NETO1: variants seen among roughly 807,000 people sequenced by gnomAD.
NETO1 encodes the protein neuropilin and tolloid like 1.
In NETO1, 26 loss-of-function variants were observed where a neutral mutation model predicts 61.3. The ratio of observed to expected loss-of-function variants is 0.42; its 90% CI spans 0.31 to 0.59. The LOEUF (loss-of-function observed/expected upper bound fraction) is 0.59, where lower values mean the gene tolerates loss of function less well. NETO1 is among the 20% of genes least tolerant of loss of function. NETO1 has a pLI of 0.12. For synonymous variants in NETO1, 225 were observed against 225.8 expected, an observed-to-expected ratio of 1.00 and a Z score of 0.03; for missense variants, 531 against 662.8, an observed-to-expected ratio of 0.80 and a Z score of 2.18.
chr18:72,810,807 G>A (rs144213483), intron 4 of NETO1, among the ~76,000 whole-genome samples: 189 of 152,212 alleles, frequency 1.2e-3, no homozygotes, highest in African/African-American at 4.2e-3. Context: ...CCAGAGTAAT[G>A]GTCTGCAGCA....
In NETO1 at chr18:72,858,944, G is replaced by A; in HGVS notation, c.351C>T (p.Phe117=). 6.2e-7 allele frequency: 1 copy of A among 1,613,864 alleles called. No individual in the cohort carries two copies. The highest frequency in any genetic ancestry group is 8.5e-7 in the Non-Finnish European group (1 of 1,179,874). Residue 117 remains phenylalanine, a synonymous_variant, in exon 4 of 11, where the codon TTC becomes TTT. Transcript: ENST00000327305. The part of the protein sequence containing the change: ...PFGFSPIIGR[F]CGQQNPPVIK... ...TGACAGGTGGATTTTGTTGTCCACA[G>A]AAACGTCCAATTATTGGAGAAAAGC...
At chr18:72,786,998 A>T (rs2071943355) in intron 6 of NETO1, among the ~76,000 whole-genome samples, 1 of 150,624 alleles carries the variant, frequency 6.6e-6, no homozygotes, top group Non-Finnish European at 1.5e-5. Flanking sequence ...TAATGTGGAA[A>T]CCTTAAAAAG....
rs557130682 is a variant in NETO1 at position 72,758,370 on chromosome 18, G to A, written c.869-2223C>T. On this transcript the variant is annotated intron_variant, in intron 7 of 10. Coordinates refer to ENST00000327305, the MANE Select transcript of NETO1 (RefSeq NM_138966.5). ...GGAGTTAGCCTCCCTTTTGTTTGTG[G>A]TGCTTTTTTTTTCTTTGTGTGTGTG... 4.2e-5 allele frequency among the ~76,000 whole-genome samples: 4 copies of A among 95,500 alleles called. No individual in the cohort carries two copies. The East Asian group carries it at 1.5e-3, about 35-fold the overall frequency. 62.7% of individuals were successfully genotyped at this position (95,500 alleles called of 152,430 possible).
Position 72,746,333 on chromosome 18 carries a change from G to T in NETO1, c.*1846C>A, listed in dbSNP as rs745869977. On this transcript the variant is annotated 3_prime_UTR_variant, in exon 11 of 11. Transcript: ENST00000327305. ...TAATTTTAAATTAAAGGGCAAAAAA[G>T]GAACCATGGTAATAAATAAACCAGT... 4.6e-5 allele frequency among the ~76,000 whole-genome samples: 7 copies of T among 152,000 alleles called. No individual in the cohort carries two copies. Among genetic ancestry groups the T allele is most frequent in the Non-Finnish European group, 7.4e-5 (5 of 67,966 alleles).
rs924544366 is a variant in NETO1 at position 72,746,910 on chromosome 18, C to T, written c.*1269G>A. Among the ~76,000 whole-genome samples the T allele has an allele frequency of 6.6e-6, 1 of 151,888 alleles. No homozygotes were observed. The highest frequency in any genetic ancestry group is 2.4e-5 in the African/African-American group (1 of 41,390). On this transcript the variant is annotated 3_prime_UTR_variant, in exon 11 of 11. Coordinates refer to ENST00000327305, the MANE Select transcript of NETO1 (RefSeq NM_138966.5). The stretch of plus-strand genomic sequence containing the variant: ...CAGTAAAATATATTTTAGGATTTTA[C>T]TTTATGTTAAACACATCATAATCAC...
chr18:72,853,139 A>T (rs931913662), intron 4 of NETO1, among the ~76,000 whole-genome samples: 2 of 152,072 alleles, frequency 1.3e-5, no homozygotes, highest in African/African-American at 4.8e-5. Context: ...CTTGTCACAC[A>T]TTGGTAATTT....
intron 4 of NETO1, among the ~76,000 whole-genome samples, chr18:72,849,361 C>A (rs1402901980): frequency 6.6e-6 from 1 of 152,270 alleles, no homozygotes; most frequent in South Asian, 2.1e-4. Context: ...TCGTCATCAG[C>A]ACCTATAAAC....
In NETO1 at chr18:72,859,089, G is replaced by T. The variant is rs1389614138; in HGVS notation, c.221-15C>A. 1 of 1,580,742 alleles carries T rather than the reference G, an allele frequency of 6.3e-7. No individual in the cohort carries two copies. Among genetic ancestry groups the T allele is most frequent in the African/African-American group, 1.4e-5 (1 of 73,446 alleles). ...TCTTGGAGCGGCTGTAAAGAAGAAA[G>T]ATTGTGTCTAGGAGGTCATTTCTTA... is the stretch of plus-strand genomic sequence containing the variant. On this transcript the variant is annotated splice_polypyrimidine_tract_variant and intron_variant, in intron 3 of 10. Coordinates refer to ENST00000327305, the MANE Select transcript of NETO1 (RefSeq NM_138966.5).
intron 3 of NETO1, among the ~76,000 whole-genome samples, chr18:72,862,622 CTT>C (rs11453772): frequency 8.2e-5 from 10 of 122,414 alleles, no homozygotes; most frequent in Admixed American, 7.0e-4. Flanking sequence ...CTTTTTTTTT[CTT>C]TTTTTTTTTT....
chr18:72,746,203 TAC>T lies in NETO1; in HGVS notation c.*1974_*1975del, dbSNP rs2070428499. Reference sequence around the variant, plus strand: ...ATAAAAAATCTTGACAGTTATATCATACTTTTGAGATTATCATTCAAAGGGAA... The same window carrying T: ...ATAAAAAATCTTGACAGTTATATCATTTTTGAGATTATCATTCAAAGGGAA... On this transcript the variant is annotated 3_prime_UTR_variant, in exon 11 of 11. Transcript: ENST00000327305. Among the ~76,000 whole-genome samples the T allele has an allele frequency of 3.3e-5, 5 of 152,148 alleles. No individual in the cohort carries two copies. The highest frequency in any genetic ancestry group is 1.2e-4 in the African/African-American group (5 of 41,448).
Position 72,745,908 on chromosome 18 carries a change from C to T in NETO1, c.*2271G>A, listed in dbSNP as rs2070421460. 6.6e-6 allele frequency: 1 copy of T among 152,144 alleles called. No homozygotes were observed. Among genetic ancestry groups the T allele is most frequent in the Non-Finnish European group, 1.5e-5 (1 of 68,034 alleles). The allele number at this position is 152,144 out of a possible 1,614,324, so 9.4% of individuals were successfully genotyped here. ...ATTTTAGAGTTATCACTGAGGAGGCCTGTTCTTCATTTAAAATACAGTTGT... is the reference window on the plus strand; with the variant it reads ...ATTTTAGAGTTATCACTGAGGAGGCTTGTTCTTCATTTAAAATACAGTTGT... On this transcript the variant is annotated 3_prime_UTR_variant, in exon 11 of 11. Transcript: ENST00000327305.
At position 72,793,281 on chromosome 18, in the gene NETO1, C is replaced by T. The variant is rs184769829; in HGVS notation, c.639+836G>A. Among the ~76,000 whole-genome samples the T allele has an allele frequency of 1.9e-3, 285 of 152,126 alleles. 2 individuals are homozygous for T. Among genetic ancestry groups the T allele is most frequent in the African/African-American group, 6.4e-3 (266 of 41,506 alleles). ...TGTAACTGAGGAATATAAACCAAAA[C>T]AGGAGAATGAACAAATAACATCTTA... On this transcript the variant is annotated intron_variant, in intron 6 of 10. Coordinates refer to ENST00000327305, the MANE Select transcript of NETO1 (RefSeq NM_138966.5).
chr18:72,755,853 T>C (rs1477788813), intron 8 of NETO1, among the ~76,000 whole-genome samples, 181 bp downstream of exon 8: 1 of 152,078 alleles, frequency 6.6e-6, no homozygotes, highest in Non-Finnish European at 1.5e-5. Context: ...TAACGGAACA[T>C]CTGGACAGAG....
intron 7 of NETO1, among the ~76,000 whole-genome samples, chr18:72,765,420 C>A (rs114594081): frequency 0.014 from 2,091 of 147,420 alleles, 44 homozygotes; most frequent in African/African-American, 0.049. Flanking sequence ...AATAAAAATT[C>A]TTTTTTTTTT....
intron 10 of NETO1, 60 bp from the exon 11 acceptor site, chr18:72,748,224 A>G (rs1360841495): frequency 1.0e-6 from 1 of 981,026 alleles, no homozygotes. Context: ...CAAATACACC[A>G]ATTTATTAAG....
Position 72,867,342 on chromosome 18 carries a change from C to A in NETO1, c.-51G>T, listed in dbSNP as rs771588236. On this transcript the variant is annotated 5_prime_UTR_variant, in exon 1 of 11. Transcript: ENST00000327305. ...GGGCTCCACTAATTCCATTTAGAGA[C>A]GGGAAGACTTCCAGTGGCGGGGGGA... 2.0e-6 allele frequency: 3 copies of A among 1,511,846 alleles called. No homozygotes were observed. The highest frequency in any genetic ancestry group is 2.6e-5 in the East Asian group (1 of 38,678). The allele number at this position is 1,511,846 out of a possible 1,614,324, so 93.7% of individuals were successfully genotyped here. A position where few individuals can be genotyped will look rare whatever the true frequency, so the allele number is the denominator to read the frequency against.
At chr18:72,835,419 G>C in intron 4 of NETO1, 1 of 914,820 alleles carries the variant, frequency 1.1e-6, no homozygotes, top group Non-Finnish European at 1.7e-6. Context: ...GGTAATACAG[G>C]AGGAGCAAAT....
At chr18:72,865,657 G>C (rs2074712836) in intron 1 of NETO1, 2 of 1,575,356 alleles carry the variant, frequency 1.3e-6, no homozygotes, top group African/African-American at 1.3e-5. Flanking sequence ...CAAACAATGA[G>C]AACAGCTCCA....
At chr18:72,802,189 T>C (rs1599029037) in intron 4 of NETO1, among the ~76,000 whole-genome samples, 1 of 150,194 alleles carries the variant, frequency 6.7e-6, no homozygotes, top group Non-Finnish European at 1.5e-5. Flanking sequence ...TTTTTAAACG[T>C]AGACATCATT....
Sources: gnomAD v4.1 joint callset for allele counts (sites outside exome capture counted in the v4.1 genomes callset) on GRCh38, gnomAD v4.1.1 for gene constraint, MANE v1.5 for transcripts, NCBI Gene and HGNC (gene_info 2026-07-23, HGNC 2026-07-21) for gene names.